MYH9: variants seen among roughly 807,000 people sequenced by gnomAD.
The protein encoded by MYH9 is myosin heavy chain 9, also known as myosin-9.
Under a neutral mutation model 241.9 loss-of-function variants are expected in MYH9, and 29 were observed. The ratio of observed to expected loss-of-function variants is 0.12; its 90% CI spans 0.09 to 0.16. MYH9 has a LOEUF of 0.16. Among genes scored for constraint, MYH9 ranks in the 10% least tolerant of loss-of-function variants. MYH9 has a pLI of 1.00. For missense variants in MYH9, 1,803 were observed against 2,595.5 expected (o/e 0.69, Z 6.63); for synonymous variants, 1,047 against 1,062.6 (o/e 0.99, Z 0.29).
intron 30 of MYH9, among the ~76,000 whole-genome samples, chr22:36,292,840 A>C (rs1018179747): frequency 6.6e-6 from 1 of 152,262 alleles, no homozygotes; most frequent in African/African-American, 2.4e-5. Context: ...ACATGGGATC[A>C]GCAGGGCAAC....
At chr22:36,319,745 A>G in intron 9 of MYH9, 110 bp from the exon 10 acceptor site, 1 of 1,074,982 alleles carries the variant, frequency 9.3e-7, no homozygotes, top group South Asian at 1.3e-5. Context: ...AAGCAGGGAC[A>G]CCCCCCAACT....
intron 1 of MYH9, among the ~76,000 whole-genome samples, chr22:36,372,115 C>T (rs1176610533): frequency 1.3e-5 from 2 of 152,130 alleles, no homozygotes. Context: ...TGCCCCACAC[C>T]CCACTTCCTG....
intron 1 of MYH9, among the ~76,000 whole-genome samples, chr22:36,386,645 G>T (rs960099441): frequency 6.6e-6 from 1 of 152,134 alleles, no homozygotes; most frequent in Admixed American, 6.6e-5. Context: ...CTGCCTCTAC[G>T]ACCTGGGACT....
chr22:36,283,968 A>G (rs2016535491), intron 40 of MYH9, 125 bp downstream of exon 40: 1 of 1,146,092 alleles, frequency 8.7e-7, no homozygotes, highest in Non-Finnish European at 1.3e-6. Flanking sequence ...CAGAAGGGGC[A>G]GGGATTGCTT....
chr22:36,312,294 G>A, intron 13 of MYH9, 72 bp from the exon 14 acceptor site: 2 of 1,489,020 alleles, frequency 1.3e-6, no homozygotes, highest in South Asian at 1.1e-5. Context: ...AGAAGCCAAA[G>A]CCCGGACATC....
chr22:36,302,722 C>A lies in MYH9; in HGVS notation c.2391-46G>T, dbSNP rs762825971. The A allele has an allele frequency of 2.6e-6, 4 of 1,526,588 alleles. No homozygotes were observed. The South Asian group carries it at 4.5e-5, about 17-fold the overall frequency. 94.6% of individuals were successfully genotyped at this position (1,526,588 alleles called of 1,614,324 possible). On this transcript the variant is annotated intron_variant, in intron 19 of 40. Coordinates refer to ENST00000216181, the MANE Select transcript of MYH9 (RefSeq NM_002473.6). ...TCAGCGCGGAGCAGTGGACAGCAGA[C>A]CCGACCTAACAGTCCTGGTCTTGTC... is the stretch of plus-strand genomic sequence containing the variant.
At chr22:36,342,045 G>A (rs897625153) in intron 2 of MYH9, among the ~76,000 whole-genome samples, 1 of 152,226 alleles carries the variant, frequency 6.6e-6, no homozygotes, top group Admixed American at 6.5e-5. Flanking sequence ...TCCTTTGTGG[G>A]ATAGTGGGTC....
In MYH9 at chr22:36,303,915, T is replaced by C. The variant is rs867473614; in HGVS notation, c.2390+80A>G. 4.6e-5 allele frequency: 71 copies of C among 1,534,876 alleles called. 2 individuals carry two copies. In the Middle Eastern group the frequency reaches 2.2e-3, roughly 48 times the overall value. ...AGGCATGTGACTGGCTGCAGCGGGG[T>C]GGCCTGCTAAGTGCCCTTTGGCAAC... is the stretch of plus-strand genomic sequence containing the variant. On this transcript the variant is annotated intron_variant, in intron 19 of 40. Coordinates refer to ENST00000216181, the MANE Select transcript of MYH9 (RefSeq NM_002473.6).
intron 31 of MYH9, among the ~76,000 whole-genome samples, chr22:36,291,420 A>C (rs1003936804): frequency 2.0e-5 from 3 of 151,922 alleles, no homozygotes; most frequent in Non-Finnish European, 4.4e-5. Context: ...GTGTCCACTC[A>C]GGGTTAAATG....
At chr22:36,374,681 G>C in intron 1 of MYH9, among the ~76,000 whole-genome samples, 1 of 152,250 alleles carries the variant, frequency 6.6e-6, no homozygotes, top group South Asian at 2.1e-4. Context: ...CCCAAGGTGA[G>C]TGACCTGGGA....
chr22:36,319,912 TC>T, intron 9 of MYH9: 1 of 609,726 alleles, frequency 1.6e-6, no homozygotes, highest in South Asian at 1.9e-5. Context: ...CCCAGCTTCT[TC>T]CACACTCCCC....
chr22:36,285,832 T>C lies in MYH9; in HGVS notation c.5150+33A>G, dbSNP rs200145630. The C allele has an allele frequency of 3.0e-5, 48 of 1,613,082 alleles. No homozygotes were observed. In the East Asian group the frequency reaches 1.0e-3, roughly 34 times the overall value. ...GGGCCTACCCTGGGGACACACCTGG[T>C]CCCCCCCAACTCTGCCCCCTCACTC... is the stretch of plus-strand genomic sequence containing the variant. On this transcript the variant is annotated intron_variant, in intron 36 of 40. Transcript: ENST00000216181. This position sits in a 1 kb window ranked among gnomAD's most constrained non-coding sequence, Gnocchi z 7.0.
At chr22:36,379,732 A>C (rs1603484693) in intron 1 of MYH9, among the ~76,000 whole-genome samples, 1 of 152,284 alleles carries the variant, frequency 6.6e-6, no homozygotes, top group East Asian at 1.9e-4. Flanking sequence ...CCCTTCCGGA[A>C]GGCCCTGCAA....
chr22:36,286,042 C>A (rs2016575006), intron 35 of MYH9, 89 bp from the exon 36 acceptor site: 2 of 1,428,248 alleles, frequency 1.4e-6, no homozygotes, highest in East Asian at 2.3e-5. Context: ...CCCTCAAGCC[C>A]TTCCCCAGGC....
chr22:36,304,958 G>A, intron 18 of MYH9, 75 bp downstream of exon 18: 2 of 1,411,486 alleles, frequency 1.4e-6, no homozygotes, highest in Non-Finnish European at 2.0e-6. Context: ...ATAGCAAGGT[G>A]GGCCCTGGCC....
chr22:36,288,943 AG>A lies in MYH9; in HGVS notation c.4558-5del. On this transcript the variant is annotated splice_region_variant and splice_polypyrimidine_tract_variant and intron_variant, in intron 32 of 40. Coordinates refer to ENST00000216181, the MANE Select transcript of MYH9 (RefSeq NM_002473.6). The surrounding 1 kb of genome is among the most constrained non-coding windows in gnomAD (Gnocchi z 4.8). ...TGGACTTCTCCAGCTCGTGGACCTGAGCCCCAGAGAGCCCAAGTCAGGAGCA... is the reference window on the plus strand; with the variant it reads ...TGGACTTCTCCAGCTCGTGGACCTGACCCCAGAGAGCCCAAGTCAGGAGCA... The A allele has an allele frequency of 1.2e-6, 2 of 1,613,620 alleles. No individual in the cohort carries two copies. Among genetic ancestry groups the A allele is most frequent in the Non-Finnish European group, 1.7e-6 (2 of 1,179,980 alleles).
Position 36,288,448 on chromosome 22 carries a change from G to T in MYH9, c.4771-35C>A. On this transcript the variant is annotated intron_variant, in intron 33 of 40. Coordinates refer to ENST00000216181, the MANE Select transcript of MYH9 (RefSeq NM_002473.6). The surrounding 1 kb of genome is among the most constrained non-coding windows in gnomAD (Gnocchi z 4.8). ...GGAACATCAACAACTTGGGAAGCTG[G>T]ACCCACTGGGAGACCCTGCCCTAGC... 1 of 1,603,194 alleles carries T rather than the reference G, an allele frequency of 6.2e-7. No individual in the cohort carries two copies. Among genetic ancestry groups the T allele is most frequent in the Non-Finnish European group, 8.5e-7 (1 of 1,179,820 alleles).
At position 36,286,154 on chromosome 22, in the gene MYH9, C is replaced by T. The variant is rs2016576784; in HGVS notation, c.5062-201G>A. The T allele has an allele frequency of 6.4e-6, 4 of 628,684 alleles. 1 individual carries two copies. In the South Asian group the frequency reaches 7.5e-5, roughly 12 times the overall value. 38.9% of individuals were successfully genotyped at this position (628,684 alleles called of 1,614,324 possible). On this transcript the variant is annotated intron_variant, in intron 35 of 40. Transcript: ENST00000216181. ...ACACCATATGTTTATAAAACTCTTA[C>T]ATTTAAGTGCTAGGAATCAAGCCAG...
At chr22:36,319,794 T>C in intron 9 of MYH9, 159 bp from the exon 10 acceptor site, 2 of 767,308 alleles carry the variant, frequency 2.6e-6, no homozygotes, top group East Asian at 2.7e-5. Flanking sequence ...CGTCTAACGG[T>C]GTGCGGTGGG....
Sources: gnomAD v4.1 joint callset for allele counts (sites outside exome capture counted in the v4.1 genomes callset) on GRCh38, gnomAD v4.1.1 for gene constraint, Gnocchi (gnomAD v3.1) non-coding constraint, MANE v1.5 for transcripts, NCBI Gene and HGNC (gene_info 2026-07-23, HGNC 2026-07-21) for gene names.